CSNK1A1: variants seen among roughly 807,000 people sequenced by gnomAD.
CSNK1A1 encodes the protein casein kinase I isoform alpha.
A neutral mutation model predicts 46.1 loss-of-function variants in CSNK1A1; 7 were observed. The ratio of observed to expected loss-of-function variants is 0.15; its 90% CI spans 0.09 to 0.29. The LOEUF (loss-of-function observed/expected upper bound fraction) is 0.29. Ranked by LOEUF, CSNK1A1 falls within the 10% of genes least tolerant of loss-of-function variation. The probability of loss-of-function intolerance (pLI) is 1.00; values close to 1 mark genes in which losing one functional copy is unlikely to be tolerated. For synonymous variants in CSNK1A1, 137 were observed against 141.5 expected, an observed-to-expected ratio of 0.97 and a Z score of 0.23; for missense variants, 96 against 417.1, an observed-to-expected ratio of 0.23 and a Z score of 6.71.
chr5:149,505,365 G>T, intron 9 of CSNK1A1, 82 bp downstream of exon 9: 5 of 1,501,802 alleles, frequency 3.3e-6, no homozygotes, highest in Non-Finnish European at 3.6e-6. Flanking sequence ...CCACCTCCTT[G>T]ATCTAACACT....
At chr5:149,542,861 A>G (rs1762349949) in intron 2 of CSNK1A1, among the ~76,000 whole-genome samples, 1 of 149,652 alleles carries the variant, frequency 6.7e-6, no homozygotes, top group South Asian at 2.1e-4. Flanking sequence ...ATGCTTGGCT[A>G]ATTTTTGTAT....
chr5:149,511,504 T>G (rs987819509), intron 6 of CSNK1A1, among the ~76,000 whole-genome samples: 4 of 152,116 alleles, frequency 2.6e-5, no homozygotes, highest in South Asian at 2.1e-4. Context: ...AATGAGAAAG[T>G]CTCCACCTTT....
At chr5:149,518,011 C>T in intron 4 of CSNK1A1, 1 of 559,972 alleles carries the variant, frequency 1.8e-6, no homozygotes, top group Non-Finnish European at 3.2e-6. Flanking sequence ...TTCCACCAAG[C>T]ACTGTAGCTT....
chr5:149,544,603 A>T (rs1336998003), intron 2 of CSNK1A1, among the ~76,000 whole-genome samples: 1 of 151,010 alleles, frequency 6.6e-6, no homozygotes. Flanking sequence ...AATACAGCTG[A>T]CCCTTGAACA....
chr5:149,549,931 G>A (rs1009595999), intron 2 of CSNK1A1, 144 bp downstream of exon 2: 6 of 847,564 alleles, frequency 7.1e-6, no homozygotes, highest in South Asian at 3.7e-5. Context: ...TGAGATGACT[G>A]ACTTACAGGA....
intron 3 of CSNK1A1, among the ~76,000 whole-genome samples, chr5:149,524,575 T>C (rs1193511981): frequency 6.6e-6 from 1 of 152,158 alleles, no homozygotes; most frequent in East Asian, 1.9e-4. Flanking sequence ...TGAGAATCCA[T>C]TACTCCAAGC....
intron 2 of CSNK1A1, among the ~76,000 whole-genome samples, chr5:149,528,907 C>T (rs1220835746): frequency 6.6e-6 from 1 of 152,148 alleles, no homozygotes; most frequent in Non-Finnish European, 1.5e-5. Context: ...GTCTGAAACA[C>T]CAACACAAAA....
chr5:149,551,034 C>G lies in CSNK1A1; in HGVS notation c.-70G>C, dbSNP rs1478658671. ...TGGGAAGAGGACGGAGGCCTCGGGG[C>G]TCCTACACTAGGCAAGGCTACGGAG... is the stretch of plus-strand genomic sequence containing the variant. On this transcript the variant is annotated 5_prime_UTR_variant, in exon 1 of 10. Coordinates refer to ENST00000377843, the MANE Select transcript of CSNK1A1 (RefSeq NM_001892.6). 1.9e-6 allele frequency: 3 copies of G among 1,574,364 alleles called. No individual in the cohort carries two copies. The highest frequency in any genetic ancestry group is 2.7e-5 in the African/African-American group (2 of 73,972).
Position 149,496,814 on chromosome 5 carries a change from C to T in CSNK1A1, c.*39G>A, listed in dbSNP as rs761414239. ...ATTTGGGGAGAAACAAATGCTGCTC[C>T]GATCATCTGCTCTGCTTCTTCTGTT... On this transcript the variant is annotated 3_prime_UTR_variant, in exon 10 of 10. Coordinates refer to ENST00000377843, the MANE Select transcript of CSNK1A1 (RefSeq NM_001892.6). 7.1e-6 allele frequency: 11 copies of T among 1,555,796 alleles called. No individual in the cohort carries two copies. Among genetic ancestry groups the T allele is most frequent in the African/African-American group, 2.7e-5 (2 of 73,218 alleles).
chr5:149,519,857 A>G (rs1248075253), intron 4 of CSNK1A1, among the ~76,000 whole-genome samples: 1 of 152,242 alleles, frequency 6.6e-6, no homozygotes, highest in Non-Finnish European at 1.5e-5. Context: ...ATGGTGACAG[A>G]TAAGTCAGTG....
intron 3 of CSNK1A1, among the ~76,000 whole-genome samples, chr5:149,523,251 G>C (rs1433671704): frequency 6.6e-6 from 1 of 152,082 alleles, no homozygotes; most frequent in African/African-American, 2.4e-5. Context: ...TGTTGGCCAG[G>C]CTGGTCTCGA....
At chr5:149,504,303 A>G in intron 9 of CSNK1A1, 1 of 985,178 alleles carries the variant, frequency 1.0e-6, no homozygotes, top group Non-Finnish European at 1.2e-6. Flanking sequence ...TGAGGATGAC[A>G]TCAGTTAATA....
At chr5:149,530,684 C>G (rs1201220029) in intron 2 of CSNK1A1, among the ~76,000 whole-genome samples, 1 of 152,080 alleles carries the variant, frequency 6.6e-6, no homozygotes, top group Non-Finnish European at 1.5e-5. Context: ...TCCAGCTACT[C>G]AGGCCAGGCG....
At chr5:149,499,095 A>G in intron 9 of CSNK1A1, 1 of 985,362 alleles carries the variant, frequency 1.0e-6, no homozygotes, top group Non-Finnish European at 1.2e-6. Context: ...ATGTTACTGA[A>G]GTATGTTTAG....
At position 149,504,911 on chromosome 5, in the gene CSNK1A1, A is replaced by T. The variant is rs1281611242; in HGVS notation, c.1006+536T>A. 3 of 985,416 alleles carry T rather than the reference A, an allele frequency of 3.0e-6. No homozygotes were observed. The African/African-American group carries it at 5.2e-5, about 17-fold the overall frequency. The allele number at this position is 985,416 out of a possible 1,614,324, so 61.0% of individuals were successfully genotyped here. ...AATGAGATGCTCTGCAACTGAGAAGATAGACACTTTGGGGGTAATGCCAAA... is the reference window on the plus strand; with the variant it reads ...AATGAGATGCTCTGCAACTGAGAAGTTAGACACTTTGGGGGTAATGCCAAA... On this transcript the variant is annotated intron_variant, in intron 9 of 9. Coordinates refer to ENST00000377843, the MANE Select transcript of CSNK1A1 (RefSeq NM_001892.6).
chr5:149,543,179 A>G (rs1461881285), intron 2 of CSNK1A1, among the ~76,000 whole-genome samples: 2 of 152,216 alleles, frequency 1.3e-5, no homozygotes, highest in African/African-American at 2.4e-5. Context: ...ATGGCTCTCC[A>G]GTATCAAATG....
chr5:149,548,427 C>T (rs1006741271), intron 2 of CSNK1A1, among the ~76,000 whole-genome samples: 3 of 151,272 alleles, frequency 2.0e-5, no homozygotes, highest in Admixed American at 6.6e-5. Flanking sequence ...ATTAGCCAGG[C>T]GTAGTAGTGC....
chr5:149,505,238 T>C (rs1760985785), intron 9 of CSNK1A1: 3 of 1,318,720 alleles, frequency 2.3e-6, no homozygotes, highest in African/African-American at 1.5e-5. Flanking sequence ...TATATGTATA[T>C]ACAAATACAT....
At chr5:149,498,236 T>C (rs905023831) in intron 9 of CSNK1A1, 1 of 985,224 alleles carries the variant, frequency 1.0e-6, no homozygotes, top group Non-Finnish European at 1.2e-6. Context: ...CCTTTTTTTT[T>C]TTGGGAAATA....
Sources: allele counts gnomAD v4.1 joint callset (sites outside exome capture counted in the v4.1 genomes callset), GRCh38; gene constraint gnomAD v4.1.1; transcripts MANE v1.5; gene names NCBI Gene and HGNC (gene_info 2026-07-23, HGNC 2026-07-21).